The following SRCAP variants were observed in gnomAD, a reference collection of about 807,000 sequenced individuals.
The protein encoded by SRCAP is chromatin remodeling protein SRCAP.
A neutral mutation model predicts 263.1 loss-of-function variants in SRCAP; 46 were observed. The observed-to-expected ratio is 0.17, with a 90% confidence interval of 0.14 to 0.22. The LOEUF is 0.22. SRCAP is among the 10% of genes least tolerant of loss of function. The probability of loss-of-function intolerance (pLI) is 1.00; values close to 1 mark genes in which losing one functional copy is unlikely to be tolerated. For missense variants in SRCAP, 3,695 were observed against 4,181.9 expected (o/e 0.88, Z 3.21); for synonymous variants, 1,813 against 1,662.1 (o/e 1.09, Z -2.21).
Position 30,737,528 on chromosome 16 carries a change from T to TG in SRCAP, c.7488_7489insG (p.Pro2497AlafsTer46). 1 of 1,607,210 alleles carries TG rather than the reference T, an allele frequency of 6.2e-7. No individual in the cohort carries two copies. On this transcript the variant is annotated frameshift_variant, in exon 34 of 34. Coordinates refer to ENST00000262518, the MANE Select transcript of SRCAP (RefSeq NM_006662.3). ...CTTCACAGATTCCTCCTTGTTCTTC[T>TG]CCTGCCTGCACCCCTCCTCCTGCCT...
chr16:30,713,499 T>C lies in SRCAP; in HGVS notation c.2301-20T>C. ...AGCTTGCTGACCATACTCTCTCTGA[T>C]TCTCTCTGTCTCTTTGCAGCCAGAG... is the stretch of plus-strand genomic sequence containing the variant. On this transcript the variant is annotated intron_variant, in intron 15 of 33. Transcript: ENST00000262518. 6.2e-7 allele frequency: 1 copy of C among 1,613,742 alleles called. No individual in the cohort carries two copies. Among genetic ancestry groups the C allele is most frequent in the East Asian group, 2.2e-5 (1 of 44,884 alleles).
At position 30,707,709 on chromosome 16, in the gene SRCAP, G is replaced by A. The variant is rs1165008405; in HGVS notation, c.630G>A (p.Glu210=). The A allele has an allele frequency of 6.2e-7, 1 of 1,614,242 alleles. No homozygotes were observed. Among genetic ancestry groups the A allele is most frequent in the Non-Finnish European group, 8.5e-7 (1 of 1,180,044 alleles). Residue 210 remains glutamate (E), a synonymous_variant, in exon 6 of 34, where the codon GAG becomes GAA. Transcript: ENST00000262518. ...TCAGGCAGTTCTGGAGCAATGTGGAGAAGGTAGACAGTGGGGATCAGGAAA... is the reference window on the plus strand; with the variant it reads ...TCAGGCAGTTCTGGAGCAATGTGGAAAAGGTAGACAGTGGGGATCAGGAAA... The part of the protein sequence containing the change: ...KDVRQFWSNV[E]KVVQFKQQSR...
At chr16:30,718,884 T>C (rs1035297202) in intron 18 of SRCAP, among the ~76,000 whole-genome samples, 5 of 152,052 alleles carry the variant, frequency 3.3e-5, no homozygotes, top group Non-Finnish European at 7.4e-5. Flanking sequence ...GACACTGCAT[T>C]GTGTTGTTAT....
rs745444577 is a variant in SRCAP at position 30,737,831 on chromosome 16, G to A, written c.7791G>A (p.Glu2597=). ...CTGTGGAGATCCTGCCTGTGTCAGA[G>A]AAGAACCTTTCTCTCACCCCTTCTG... The part of the protein sequence containing the change: ...PVAVEILPVS[E]KNLSLTPSAP... Residue 2597 remains glutamate (E), a synonymous_variant, in exon 34 of 34, where the codon GAG becomes GAA. Transcript: ENST00000262518. 6.2e-7 allele frequency: 1 copy of A among 1,614,160 alleles called. No homozygotes were observed. Among genetic ancestry groups the A allele is most frequent in the South Asian group, 1.1e-5 (1 of 91,088 alleles).
intron 27 of SRCAP, among the ~76,000 whole-genome samples, chr16:30,732,859 G>T (rs2053126334): frequency 6.6e-6 from 1 of 152,168 alleles, no homozygotes; most frequent in Non-Finnish European, 1.5e-5. Context: ...TTGTGACAGG[G>T]TCTCGCTTTG....
At chr16:30,728,241 A>G (rs2053081451) in intron 25 of SRCAP, among the ~76,000 whole-genome samples, 1 of 152,148 alleles carries the variant, frequency 6.6e-6, no homozygotes, top group South Asian at 2.1e-4. Context: ...CTAGTTACTG[A>G]GTGATTATAG....
At chr16:30,702,318 C>T (rs1381981133) in intron 3 of SRCAP, among the ~76,000 whole-genome samples, 2 of 151,936 alleles carry the variant, frequency 1.3e-5, no homozygotes, top group Non-Finnish European at 2.9e-5. Flanking sequence ...CTGCAACCTC[C>T]ACCTCCTGGG....
Position 30,710,811 on chromosome 16 carries a change from G to A in SRCAP, c.1192G>A (p.Glu398Lys). The A allele has an allele frequency of 6.2e-7, 1 of 1,614,202 alleles. No homozygotes were observed. Among genetic ancestry groups the A allele is most frequent in the Non-Finnish European group, 8.5e-7 (1 of 1,180,036 alleles). The part of the protein sequence containing the change: ...QRNKQPWHPD[E>K]DDEEFTANEE... ...CAACAAACAGCCTTGGCATCCAGATGAAGATGATGAAGAGTTTACTGCCAA... is the reference window on the plus strand; with the variant it reads ...CAACAAACAGCCTTGGCATCCAGATAAAGATGATGAAGAGTTTACTGCCAA... The change falls in exon 9 of 34, where the codon GAA (glutamate) becomes AAA (lysine). Residue 398 changes from glutamate (E) to lysine (K), a missense_variant. Coordinates refer to ENST00000262518, the MANE Select transcript of SRCAP (RefSeq NM_006662.3).
At chr16:30,700,456 A>G (rs1243525275) in intron 2 of SRCAP, among the ~76,000 whole-genome samples, 160 bp from the exon 3 acceptor site, 1 of 152,268 alleles carries the variant, frequency 6.6e-6, no homozygotes, top group African/African-American at 2.4e-5. Context: ...CACATCAAAC[A>G]GGTACTAAAA....
Position 30,737,045 on chromosome 16 carries a change from G to A in SRCAP, c.7009-4G>A. Reference sequence around the variant, plus strand: ...CTGACCACTTTTGGACCCTGTTGTTGTAGGAGCAAGTGGAAGCTGCCCGCA... The same window carrying A: ...CTGACCACTTTTGGACCCTGTTGTTATAGGAGCAAGTGGAAGCTGCCCGCA... On this transcript the variant is annotated splice_polypyrimidine_tract_variant and splice_region_variant and intron_variant, in intron 33 of 33. Transcript: ENST00000262518. 6.3e-7 allele frequency: 1 copy of A among 1,576,708 alleles called. No individual in the cohort carries two copies. Among genetic ancestry groups the A allele is most frequent in the Non-Finnish European group, 8.6e-7 (1 of 1,160,506 alleles).
At position 30,737,264 on chromosome 16, in the gene SRCAP, G is replaced by A; in HGVS notation, c.7224G>A (p.Gly2408=). The A allele has an allele frequency of 6.2e-7, 1 of 1,613,906 alleles. No individual in the cohort carries two copies. Among genetic ancestry groups the A allele is most frequent in the Non-Finnish European group, 8.5e-7 (1 of 1,179,968 alleles). ...RLRGARAETQ[G]ANHTPVISAH... is the part of the protein sequence containing the mutation. ...GTGGAGCCCGGGCTGAGACTCAAGG[G>A]GCAAACCACACTCCTGTCATATCCG... Residue 2408 remains glycine (G), a synonymous_variant, in exon 34 of 34, where the codon GGG becomes GGA. Transcript: ENST00000262518.
chr16:30,707,474 C>CTTGATTTTCCAGATTTCT (rs1370567028), intron 5 of SRCAP, 98 bp from the exon 6 acceptor site: 2 of 1,605,956 alleles, frequency 1.2e-6, no homozygotes, highest in East Asian at 4.5e-5. Context: ...AGAGCAAACT[C>CTTGATTTTCCAGATTTCT]TTGATTTTCC....
chr16:30,727,655 C>G (rs1050730885), intron 25 of SRCAP, among the ~76,000 whole-genome samples: 6 of 152,110 alleles, frequency 3.9e-5, no homozygotes, highest in Admixed American at 3.9e-4. Flanking sequence ...CAGGTTCAAG[C>G]GATTCTCCTG....
At chr16:30,735,196 G>C (rs574995988) in intron 31 of SRCAP, among the ~76,000 whole-genome samples, 1 of 140,824 alleles carries the variant, frequency 7.1e-6, no homozygotes, top group East Asian at 2.0e-4. Flanking sequence ...GCCCAGGCTG[G>C]AGTGCAGTGG....
At chr16:30,702,928 G>A (rs1031087556) in intron 3 of SRCAP, among the ~76,000 whole-genome samples, 9 of 151,832 alleles carry the variant, frequency 5.9e-5, no homozygotes, top group African/African-American at 9.7e-5. Context: ...GTGACGTGTT[G>A]GGTGTTTGAG....
chr16:30,701,655 A>G (rs1035450380), intron 3 of SRCAP, among the ~76,000 whole-genome samples: 5 of 109,922 alleles, frequency 4.5e-5, no homozygotes, highest in African/African-American at 4.0e-4. Flanking sequence ...TTTTTTTGAA[A>G]TGGAGTGTCT....
At chr16:30,699,284 A>G in intron 1 of SRCAP, 42 bp downstream of exon 1, 1 of 398,528 alleles carries the variant, frequency 2.5e-6, no homozygotes, top group Non-Finnish European at 4.4e-6. Flanking sequence ...GTAGGGAGTG[A>G]ATCAAAGCCG....
chr16:30,735,359 G>A (rs1266506176), intron 31 of SRCAP, among the ~76,000 whole-genome samples: 1 of 151,028 alleles, frequency 6.6e-6, no homozygotes, highest in East Asian at 2.0e-4. Context: ...TTTTAGCCGG[G>A]ATGGTCTCGA....
intron 4 of SRCAP, among the ~76,000 whole-genome samples, chr16:30,704,922 A>G (rs1446038006): frequency 2.0e-5 from 3 of 152,350 alleles, no homozygotes; most frequent in South Asian, 2.1e-4. Context: ...ATTTATTTCT[A>G]TCGTGCAGTC....
Sources: allele counts gnomAD v4.1 joint callset (sites outside exome capture counted in the v4.1 genomes callset), GRCh38; gene constraint gnomAD v4.1.1; transcripts MANE v1.5; gene names NCBI Gene and HGNC (gene_info 2026-07-23, HGNC 2026-07-21).